Variants in ANK2 observed in about 807,000 individuals in gnomAD.
ANK2 encodes ankyrin-2.
ANK2 carries 83 observed loss-of-function variants against 360.5 expected under a neutral mutation model. The observed-to-expected ratio is 0.23, with a 90% confidence interval of 0.19 to 0.28. The LOEUF is 0.28. ANK2 is among the 10% of genes least tolerant of loss of function. The pLI, the probability that ANK2 is intolerant of heterozygous loss-of-function variation, is 1.00. For synonymous variants in ANK2, 1,740 were observed against 1,759.5 expected, an observed-to-expected ratio of 0.99 and a Z score of 0.28; for missense variants, 4,201 against 4,795.7, an observed-to-expected ratio of 0.88 and a Z score of 3.66.
intron 2 of ANK2, among the ~76,000 whole-genome samples, chr4:112,911,245 T>C (rs2087218245): frequency 7.0e-6 from 1 of 142,966 alleles, no homozygotes; most frequent in Non-Finnish European, 1.5e-5. Context: ...CAGTGGCTCA[T>C]GCCTGTAATC....
At chr4:112,826,512 C>G (rs2058437109) in intron 1 of ANK2, 7 of 1,226,394 alleles carry the variant, frequency 5.7e-6, no homozygotes, top group Non-Finnish European at 7.2e-6. Context: ...ATCTGACAAG[C>G]CTGTTATTGG....
At chr4:113,073,314 C>T (rs2154341993) in intron 1 of ANK2, among the ~76,000 whole-genome samples, 1 of 152,180 alleles carries the variant, frequency 6.6e-6, no homozygotes, top group Middle Eastern at 3.4e-3. Flanking sequence ...ATAAATATTC[C>T]TCAGCTAATT....
chr4:112,736,256 A>G, the ANK2 span, among the ~76,000 whole-genome samples: 8 of 152,122 alleles, frequency 5.3e-5, no homozygotes, highest in African/African-American at 1.9e-4. Flanking sequence ...TGAGCTCAGG[A>G]GTTTGAGACC....
chr4:113,106,193 T>C (rs532315604), intron 1 of ANK2, among the ~76,000 whole-genome samples: 1 of 152,296 alleles, frequency 6.6e-6, no homozygotes, highest in East Asian at 1.9e-4. Flanking sequence ...AAAGTAGCCC[T>C]CTAAACCTTA....
At chr4:113,154,111 G>A (rs1332765551) in intron 1 of ANK2, among the ~76,000 whole-genome samples, 1 of 152,144 alleles carries the variant, frequency 6.6e-6, no homozygotes, top group Non-Finnish European at 1.5e-5. Flanking sequence ...GGGACATGTG[G>A]GAATGGAGGA....
At chr4:113,206,134 CA>C (rs1450170687) in intron 4 of ANK2, among the ~76,000 whole-genome samples, 2 of 151,986 alleles carry the variant, frequency 1.3e-5, no homozygotes, top group Non-Finnish European at 2.9e-5. Context: ...GCAGAACATG[CA>C]GGTTTGTTAC....
the ANK2 span, among the ~76,000 whole-genome samples, chr4:112,759,970 T>C: frequency 6.6e-6 from 1 of 152,174 alleles, no homozygotes; most frequent in Non-Finnish European, 1.5e-5. Context: ...CCACTTAATA[T>C]GAGCTTCTCA....
intron 2 of ANK2, among the ~76,000 whole-genome samples, chr4:113,176,724 C>T (rs972035747): frequency 6.6e-6 from 1 of 151,966 alleles, no homozygotes; most frequent in South Asian, 2.1e-4. Flanking sequence ...TGGTGTGCTG[C>T]ACCCATTAAC....
At chr4:112,952,333 T>A (rs2095077347) in intron 2 of ANK2, among the ~76,000 whole-genome samples, 1 of 152,222 alleles carries the variant, frequency 6.6e-6, no homozygotes, top group East Asian at 1.9e-4. Flanking sequence ...ATATAACTTG[T>A]TTGACTATAA....
chr4:112,887,017 G>A (rs2078603728), intron 1 of ANK2, among the ~76,000 whole-genome samples: 1 of 152,090 alleles, frequency 6.6e-6, no homozygotes, highest in African/African-American at 2.4e-5. Flanking sequence ...TATTCAAATG[G>A]TAGGTTTTTT....
At chr4:113,174,329 CTT>C (rs2098111749) in intron 1 of ANK2, 85 bp from the exon 2 acceptor site, 8 of 1,131,446 alleles carry the variant, frequency 7.1e-6, no homozygotes, top group Admixed American at 6.1e-5. Context: ...GCTTTTCTGA[CTT>C]CAGTGTAAAC....
the ANK2 span, among the ~76,000 whole-genome samples, chr4:112,739,293 C>T: frequency 4.6e-5 from 7 of 152,294 alleles, no homozygotes; most frequent in East Asian, 9.7e-4. Context: ...CACGCCACTG[C>T]GCCCGGCTGG....
At chr4:112,713,933 C>CA in the ANK2 span, among the ~76,000 whole-genome samples, 47,742 of 108,230 alleles carry the variant, frequency 0.44, 9,025 homozygotes, top group African/African-American at 0.55. Flanking sequence ...GACTCCGTCT[C>CA]AAAAAAAAAA....
upstream of ANK2, among the ~76,000 whole-genome samples, chr4:112,817,357 T>C (rs2055751363): frequency 6.6e-6 from 1 of 152,220 alleles, no homozygotes; most frequent in African/African-American, 2.4e-5. Context: ...AATCTGTTTT[T>C]GGACTGGGTA....
intron 2 of ANK2, among the ~76,000 whole-genome samples, chr4:112,992,032 C>T (rs1394276873): frequency 1.3e-5 from 2 of 152,092 alleles, no homozygotes; most frequent in East Asian, 1.9e-4. Flanking sequence ...AACTTGCCCT[C>T]GTCTTTTATT....
In ANK2 at chr4:113,011,588, A is replaced by C. The variant is rs569098184; in HGVS notation, c.21+107074A>C. On this transcript the variant is annotated intron_variant, in intron 2 of 30. Transcript: ENST00000503271. ...ATCATGAAAAAGTAACTAGAAGATA[A>C]GGGATAGTTTAACAAGGTTGGTTTG... Among the ~76,000 whole-genome samples the C allele has an allele frequency of 2.8e-4, 42 of 152,192 alleles. 1 individual carries two copies. The East Asian group carries it at 3.9e-3, about 14-fold the overall frequency.
At chr4:112,997,637 A>C (rs1201401495) in intron 2 of ANK2, among the ~76,000 whole-genome samples, 1 of 152,030 alleles carries the variant, frequency 6.6e-6, no homozygotes, top group African/African-American at 2.4e-5. Flanking sequence ...CTTCCAGTAT[A>C]TGTGTGCACA....
chr4:112,961,986 T>A (rs1463633458), intron 2 of ANK2, among the ~76,000 whole-genome samples: 1 of 152,110 alleles, frequency 6.6e-6, no homozygotes, highest in African/African-American at 2.4e-5. Flanking sequence ...ATCTACAATG[T>A]GCAGCCAGAG....
At chr4:113,097,876 G>A (rs28654473) in intron 1 of ANK2, among the ~76,000 whole-genome samples, 42,825 of 105,622 alleles carry the variant, frequency 0.41, 7,784 homozygotes, top group African/African-American at 0.55. Context: ...GTATATATAT[G>A]CACACACACA....
Sources: gnomAD v4.1 joint callset for allele counts (sites outside exome capture counted in the v4.1 genomes callset) on GRCh38, gnomAD v4.1.1 for gene constraint, MANE v1.5 for transcripts, NCBI Gene and HGNC (gene_info 2026-07-23, HGNC 2026-07-21) for gene names.